SLC6A11: variants seen among roughly 807,000 people sequenced by gnomAD.
The protein encoded by SLC6A11 is solute carrier family 6 member 11.
Under a neutral mutation model 74.8 loss-of-function variants are expected in SLC6A11, and 25 were observed. The observed-to-expected ratio is 0.33, with a 90% CI of 0.24 to 0.47. The LOEUF is 0.47. Ranked by LOEUF, SLC6A11 falls within the 20% of genes least tolerant of loss-of-function variation. SLC6A11 has a pLI of 1.00. For synonymous variants in SLC6A11, 330 were observed against 330.2 expected (o/e 1.00, Z 0.01); for missense variants, 574 against 837.0 (o/e 0.69, Z 3.88).
chr3:10,879,041 T>G (rs143940066), intron 6 of SLC6A11, among the ~76,000 whole-genome samples: 93 of 152,318 alleles, frequency 6.1e-4, no homozygotes, highest in African/African-American at 2.2e-3. Context: ...CATTGTATCC[T>G]CAGTCCCTGA....
At chr3:10,869,528 G>C (rs1694804865) in intron 5 of SLC6A11, among the ~76,000 whole-genome samples, 1 of 152,228 alleles carries the variant, frequency 6.6e-6, no homozygotes, top group South Asian at 2.1e-4. Flanking sequence ...GCTGGGGATG[G>C]ACTCTGTGGA....
At chr3:10,830,280 A>G (rs1181989579) in intron 4 of SLC6A11, among the ~76,000 whole-genome samples, 2 of 152,168 alleles carry the variant, frequency 1.3e-5, no homozygotes, top group Admixed American at 6.5e-5. Context: ...AAAAAGCAAG[A>G]GCACAGAGAC....
At chr3:10,848,296 T>G (rs1450301676) in intron 5 of SLC6A11, among the ~76,000 whole-genome samples, 2 of 152,214 alleles carry the variant, frequency 1.3e-5, no homozygotes, top group Non-Finnish European at 2.9e-5. Flanking sequence ...CACGAATAAG[T>G]TGATCCCAAA....
At position 10,816,469 on chromosome 3, in the gene SLC6A11, T is replaced by C; in HGVS notation, c.204T>C (p.Ile68=). 1 of 1,604,714 alleles carries C rather than the reference T, an allele frequency of 6.2e-7. No homozygotes were observed. Among genetic ancestry groups the C allele is most frequent in the South Asian group, 1.1e-5 (1 of 89,604 alleles). The change falls in exon 1 of 14, where the codon ATT becomes ATC. Residue 68 remains isoleucine, a synonymous_variant. Transcript: ENST00000254488. This position sits in a 1 kb window ranked among gnomAD's most constrained non-coding sequence, Gnocchi z 4.2. ...EFVLSVAGEI[I]GLGNVWRFPY... ...TGCTGAGCGTGGCCGGGGAGATCAT[T>C]GGGCTGGGCAACGTGTGGCGCTTCC...
At position 10,816,722 on chromosome 3, in the gene SLC6A11, C is replaced by T. The variant is rs184542785; in HGVS notation, c.256+201C>T. Among the ~76,000 whole-genome samples, 103 of 152,328 alleles carry T rather than the reference C, an allele frequency of 6.8e-4. No individual in the cohort carries two copies. The highest frequency in any genetic ancestry group is 2.3e-3 in the African/African-American group (95 of 41,582). ...GTGCGCACGCGCACGTGCCAATTCGCACCTGAGGGTTCCACCTGCCAGCGC... is the reference window on the plus strand; with the variant it reads ...GTGCGCACGCGCACGTGCCAATTCGTACCTGAGGGTTCCACCTGCCAGCGC... On this transcript the variant is annotated intron_variant, in intron 1 of 13. Transcript: ENST00000254488. This position sits in a 1 kb window ranked among gnomAD's most constrained non-coding sequence, Gnocchi z 4.2.
chr3:10,851,717 TA>T (rs1237094614), intron 5 of SLC6A11, among the ~76,000 whole-genome samples: 2 of 152,236 alleles, frequency 1.3e-5, no homozygotes, highest in African/African-American at 4.8e-5. Context: ...GCATGGTGCG[TA>T]AGCCTTAAGA....
At chr3:10,843,139 C>T (rs1432649768) in intron 4 of SLC6A11, among the ~76,000 whole-genome samples, 2 of 151,996 alleles carry the variant, frequency 1.3e-5, no homozygotes, top group Non-Finnish European at 2.9e-5. Flanking sequence ...TGGAGCGTGG[C>T]GAGTTTGACT....
At chr3:10,893,494 G>T (rs552733685) in intron 6 of SLC6A11, among the ~76,000 whole-genome samples, 8 of 152,272 alleles carry the variant, frequency 5.3e-5, no homozygotes, top group African/African-American at 1.9e-4. Context: ...AGAAAACTCA[G>T]TTTTTCTGAT....
Position 10,842,116 on chromosome 3 carries a change from C to T in SLC6A11, c.624-2098C>T, listed in dbSNP as rs543091688. 1.5e-4 allele frequency among the ~76,000 whole-genome samples: 23 copies of T among 152,338 alleles called. No homozygotes were observed. The South Asian group carries it at 3.3e-3, about 22-fold the overall frequency. On this transcript the variant is annotated intron_variant, in intron 4 of 13. Coordinates refer to ENST00000254488, the MANE Select transcript of SLC6A11 (RefSeq NM_014229.3). ...GCCAGTAGGTACCCTAAAATTCCTG[C>T]AGCATTTTGGGAGCCGGTGTATTTC...
chr3:10,835,051 C>T (rs1694348546), intron 4 of SLC6A11, among the ~76,000 whole-genome samples: 1 of 152,198 alleles, frequency 6.6e-6, no homozygotes, highest in South Asian at 2.1e-4. Context: ...CAGGGCTGCT[C>T]CTGATGCTCT....
chr3:10,918,248 T>C lies in SLC6A11; in HGVS notation c.996-81T>C. 7.0e-7 allele frequency: 1 copy of C among 1,438,152 alleles called. No individual in the cohort carries two copies. Among genetic ancestry groups the C allele is most frequent in the African/African-American group, 1.5e-5 (1 of 67,752 alleles). 89.1% of individuals were successfully genotyped at this position (1,438,152 alleles called of 1,614,324 possible). ...CCCTGCCTGCCTCACAGGACAGCCA[T>C]GGTGCTCGGGTGGAGAACGTTTGAG... On this transcript the variant is annotated intron_variant, in intron 7 of 13. Transcript: ENST00000254488. This position sits in a 1 kb window ranked among gnomAD's most constrained non-coding sequence, Gnocchi z 4.5.
intron 5 of SLC6A11, among the ~76,000 whole-genome samples, chr3:10,860,308 G>T (rs144855979): frequency 6.6e-6 from 1 of 152,140 alleles, no homozygotes; most frequent in African/African-American, 2.4e-5. Flanking sequence ...CTTCCATTCC[G>T]GCAGTGGAAA....
In SLC6A11 at chr3:10,926,256, TTCC is replaced by T; in HGVS notation, c.1233+141_1233+143del. ...TCAGGGCCCTGCCCACCGTCCCCCA[TTCC>T]ACCCTCCACTTCCCTCCCAGCAACT... On this transcript the variant is annotated intron_variant, in intron 9 of 13. Transcript: ENST00000254488. This position sits in a 1 kb window ranked among gnomAD's most constrained non-coding sequence, Gnocchi z 5.7. The T allele has an allele frequency of 1.6e-6, 1 of 609,492 alleles. No homozygotes were observed. Among genetic ancestry groups the T allele is most frequent in the Non-Finnish European group, 2.9e-6 (1 of 342,202 alleles). The allele number at this position is 609,492 out of a possible 1,614,324, so 37.8% of individuals were successfully genotyped here. A position where few individuals can be genotyped will look rare whatever the true frequency, so the allele number is the denominator to read the frequency against.
At chr3:10,873,096 T>C (rs1694845862) in intron 5 of SLC6A11, among the ~76,000 whole-genome samples, 1 of 152,178 alleles carries the variant, frequency 6.6e-6, no homozygotes, top group African/African-American at 2.4e-5. Flanking sequence ...GTGTGGCCGG[T>C]GCCACAAGCA....
intron 6 of SLC6A11, among the ~76,000 whole-genome samples, chr3:10,900,680 G>T (rs995260800): frequency 6.6e-6 from 1 of 152,196 alleles, no homozygotes; most frequent in Non-Finnish European, 1.5e-5. Context: ...ATGGTTATTA[G>T]CAAAGAAATG....
intron 5 of SLC6A11, among the ~76,000 whole-genome samples, chr3:10,864,318 C>A (rs1694738349): frequency 6.6e-6 from 1 of 151,436 alleles, no homozygotes. Context: ...CAGGAAAACA[C>A]CCCTCCCTTG....
chr3:10,930,990 C>T (rs867710463), intron 10 of SLC6A11, among the ~76,000 whole-genome samples: 9 of 152,214 alleles, frequency 5.9e-5, no homozygotes, highest in African/African-American at 1.9e-4. Context: ...TGGGCCGTGC[C>T]ACCTTGGCCT....
intron 4 of SLC6A11, among the ~76,000 whole-genome samples, chr3:10,831,085 C>G (rs1275954138): frequency 6.6e-6 from 1 of 152,222 alleles, no homozygotes; most frequent in Admixed American, 6.5e-5. Context: ...CCTCCACAGC[C>G]TCCCACTTGC....
At chr3:10,854,117 C>T (rs1040511060) in intron 5 of SLC6A11, among the ~76,000 whole-genome samples, 1 of 152,188 alleles carries the variant, frequency 6.6e-6, no homozygotes, top group African/African-American at 2.4e-5. Context: ...AAAGAATAGT[C>T]TTGCTCACGT....
Sources: allele counts gnomAD v4.1 joint callset (sites outside exome capture counted in the v4.1 genomes callset), GRCh38; gene constraint gnomAD v4.1.1; non-coding constraint Gnocchi (gnomAD v3.1); transcripts MANE v1.5; gene names NCBI Gene and HGNC (gene_info 2026-07-23, HGNC 2026-07-21).